VNN1: variants seen among roughly 807,000 people sequenced by gnomAD.
VNN1 encodes the protein pantetheinase.
In VNN1, 29 loss-of-function variants were observed where a neutral mutation model predicts 41.9. The observed-to-expected ratio is 0.69, with a 90% CI of 0.52 to 0.94. The LOEUF (loss-of-function observed/expected upper bound fraction) is 0.94, where lower values mean the gene tolerates loss of function less well. Ranked by LOEUF, VNN1 falls within the 40% of genes least tolerant of loss-of-function variation. The pLI is 0.00. For synonymous variants in VNN1, 233 were observed against 224.4 expected (o/e 1.04, Z -0.34); for missense variants, 637 against 621.1 (o/e 1.03, Z -0.27).
intron 5 of VNN1, among the ~76,000 whole-genome samples, chr6:132,685,800 A>G (rs73559725): frequency 0.028 from 4,231 of 152,320 alleles, 192 homozygotes; most frequent in African/African-American, 0.097. Flanking sequence ...AAAAAACCAG[A>G]TAACTGATCC....
chr6:132,713,811 T>C lies in VNN1; in HGVS notation c.210+15A>G. The C allele has an allele frequency of 6.2e-7, 1 of 1,612,030 alleles. No individual in the cohort carries two copies. ...CATAGAATCCAGTACACTGGAGAGA[T>C]GGTAGAGATGGTACCTGATCTGCTG... On this transcript the variant is annotated intron_variant, in intron 1 of 6. Coordinates refer to ENST00000367928, the MANE Select transcript of VNN1 (RefSeq NM_004666.3).
intron 5 of VNN1, 100 bp downstream of exon 5, chr6:132,692,123 A>C (rs991824740): frequency 1.5e-6 from 2 of 1,309,818 alleles, no homozygotes; most frequent in Non-Finnish European, 2.0e-6. Context: ...CAAAAGTGTG[A>C]TATGCTTATA....
rs1359701290 is a variant in VNN1, at chr6:132,682,241, AG to A, written c.*898del. Reference sequence around the variant, plus strand: ...TATTGGAGTCTTGAGGACCCAGACCAGCTGAATATTCTTACCAGGTAAGCCT... The same window carrying A: ...TATTGGAGTCTTGAGGACCCAGACCACTGAATATTCTTACCAGGTAAGCCT... On this transcript the variant is annotated 3_prime_UTR_variant, in exon 7 of 7. Transcript: ENST00000367928. 4 of 152,270 alleles carry A rather than the reference AG, an allele frequency of 2.6e-5. No individual in the cohort carries two copies. The highest frequency in any genetic ancestry group is 5.9e-5 in the Non-Finnish European group (4 of 68,060). 9.4% of individuals were successfully genotyped at this position (152,270 alleles called of 1,614,324 possible).
At position 132,692,280 on chromosome 6, in the gene VNN1, C is replaced by A; in HGVS notation, c.1131G>T (p.Val377=). 6.2e-7 allele frequency: 1 copy of A among 1,613,816 alleles called. No homozygotes were observed. The highest frequency in any genetic ancestry group is 8.5e-7 in the Non-Finnish European group (1 of 1,179,862). Residue 377 remains valine (V), a synonymous_variant, in exon 5 of 7, where the codon GTG becomes GTT. Coordinates refer to ENST00000367928, the MANE Select transcript of VNN1 (RefSeq NM_004666.3). ...YKMSENIPNE[V]YALGAFDGLH... ...GTCCGTCAAATGCCCCTAGAGCGTA[C>A]ACTTCATTTGGTATGTTCTCAGACA...
chr6:132,702,671 A>G (rs564182505), intron 2 of VNN1, among the ~76,000 whole-genome samples: 1 of 152,342 alleles, frequency 6.6e-6, no homozygotes, highest in East Asian at 1.9e-4. Context: ...CAACTTGGAT[A>G]ACAGCTCAAC....
At chr6:132,708,481 AGTCT>A (rs1267315993) in intron 2 of VNN1, among the ~76,000 whole-genome samples, 1 of 152,212 alleles carries the variant, frequency 6.6e-6, no homozygotes, top group African/African-American at 2.4e-5. Flanking sequence ...TTTAACGCTC[AGTCT>A]AAGAGGTGAT....
chr6:132,707,010 T>G (rs907931916), intron 2 of VNN1, among the ~76,000 whole-genome samples: 1 of 151,892 alleles, frequency 6.6e-6, no homozygotes, highest in Non-Finnish European at 1.5e-5. Flanking sequence ...GAGGATCACC[T>G]GAGGTCAGGA....
rs980401700 is a variant in VNN1, at chr6:132,683,382, C to T, written c.1360-60G>A. The stretch of plus-strand genomic sequence containing the variant: ...TCAAGTTTTACAATCCCATAAATCA[C>T]TTTTAAAATTTACTATAACAGAATG... On this transcript the variant is annotated intron_variant, in intron 6 of 6. Transcript: ENST00000367928. 105 of 1,508,500 alleles carry T rather than the reference C, an allele frequency of 7.0e-5. 1 individual carries two copies. The highest frequency in any genetic ancestry group is 9.0e-5 in the Non-Finnish European group (100 of 1,116,280). The allele number at this position is 1,508,500 out of a possible 1,614,324, so 93.4% of individuals were successfully genotyped here. A position where few individuals can be genotyped will look rare whatever the true frequency, so the allele number is the denominator to read the frequency against.
At chr6:132,684,915 T>C (rs1268898467) in intron 5 of VNN1, among the ~76,000 whole-genome samples, 1 of 152,226 alleles carries the variant, frequency 6.6e-6, no homozygotes, top group Non-Finnish European at 1.5e-5. Flanking sequence ...TCAAAAAGAT[T>C]AGCCCTGTAA....
At chr6:132,702,809 T>C (rs921194418) in intron 2 of VNN1, among the ~76,000 whole-genome samples, 1 of 152,210 alleles carries the variant, frequency 6.6e-6, no homozygotes, top group African/African-American at 2.4e-5. Flanking sequence ...GACCCAGTCC[T>C]GGCAAGAATC....
chr6:132,693,369 A>C (rs1284235081), intron 3 of VNN1, 54 bp from the exon 4 acceptor site: 8 of 1,493,096 alleles, frequency 5.4e-6, no homozygotes, highest in Non-Finnish European at 6.3e-6. Context: ...GTTGATCTGG[A>C]CATCACAGTG....
In VNN1 at chr6:132,695,741, G is replaced by A. The variant is rs529683931; in HGVS notation, c.342-1559C>T. Among the ~76,000 whole-genome samples, 357 of 152,088 alleles carry A rather than the reference G, an allele frequency of 2.3e-3. 4 individuals are homozygous for A. Among genetic ancestry groups the A allele is most frequent in the African/African-American group, 8.0e-3 (332 of 41,482 alleles). Reference sequence around the variant, plus strand: ...AATATACAGGGAAATTTAGAAAGTCGCCATACATGCCCAGGGAAAGGTACA... The same window carrying A: ...AATATACAGGGAAATTTAGAAAGTCACCATACATGCCCAGGGAAAGGTACA... On this transcript the variant is annotated intron_variant, in intron 2 of 6. Coordinates refer to ENST00000367928, the MANE Select transcript of VNN1 (RefSeq NM_004666.3).
In VNN1 at chr6:132,713,898, A is replaced by T; in HGVS notation, c.138T>A (p.Arg46=). Residue 46 remains arginine (R), a synonymous_variant, in exon 1 of 7, where the codon CGT becomes CGA. Transcript: ENST00000367928. The part of the protein sequence containing the change: ...LPNATLTPVS[R]EEALALMNRN... ...GATTCATTAATGCCAAAGCCTCCTC[A>T]CGAGACACTGGTGTTAGGGTGGCAT... The T allele has an allele frequency of 1.2e-6, 2 of 1,613,918 alleles. No homozygotes were observed. The highest frequency in any genetic ancestry group is 1.7e-6 in the Non-Finnish European group (2 of 1,180,008).
In VNN1 at chr6:132,683,069, G is replaced by T; in HGVS notation, c.*71C>A. On this transcript the variant is annotated 3_prime_UTR_variant, in exon 7 of 7. Transcript: ENST00000367928. ...TTATACTAGAGGATAATATTAACCC[G>T]GACCAATCTTTCTTTTCTCATCCAT... The T allele has an allele frequency of 7.0e-7, 1 of 1,418,712 alleles. No individual in the cohort carries two copies. The highest frequency in any genetic ancestry group is 1.4e-5 in the African/African-American group (1 of 69,182). The allele number at this position is 1,418,712 out of a possible 1,614,324, so 87.9% of individuals were successfully genotyped here.
intron 2 of VNN1, among the ~76,000 whole-genome samples, chr6:132,705,281 A>G (rs1352697659): frequency 3.9e-5 from 6 of 152,152 alleles, no homozygotes; most frequent in African/African-American, 1.2e-4. Context: ...TCAACAAAAT[A>G]CTAGCAAACC....
intron 2 of VNN1, among the ~76,000 whole-genome samples, chr6:132,708,434 A>G (rs184729058): frequency 3.9e-5 from 6 of 152,310 alleles, no homozygotes; most frequent in Admixed American, 3.9e-4. Flanking sequence ...ATGCTAAATA[A>G]ATTAAATAAA....
At chr6:132,709,656 T>C (rs1024735634) in intron 2 of VNN1, among the ~76,000 whole-genome samples, 1 of 109,768 alleles carries the variant, frequency 9.1e-6, no homozygotes. Flanking sequence ...ACAGAGTCTC[T>C]CTCTCAAAAA....
At chr6:132,705,399 T>C (rs913290037) in intron 2 of VNN1, among the ~76,000 whole-genome samples, 1 of 152,174 alleles carries the variant, frequency 6.6e-6, no homozygotes, top group Non-Finnish European at 1.5e-5. Context: ...GCACATCATA[T>C]CAACAGAATG....
chr6:132,683,811 G>A (rs1324453549), intron 6 of VNN1, among the ~76,000 whole-genome samples: 6 of 152,222 alleles, frequency 3.9e-5, no homozygotes, highest in African/African-American at 1.2e-4. Flanking sequence ...GGAAGTCAGC[G>A]AAAGAATGTG....
Sources: allele counts gnomAD v4.1 joint callset (sites outside exome capture counted in the v4.1 genomes callset), GRCh38; gene constraint gnomAD v4.1.1; transcripts MANE v1.5; gene names NCBI Gene and HGNC (gene_info 2026-07-23, HGNC 2026-07-21).